TTC9B: variants seen among roughly 807,000 people sequenced by gnomAD.
TTC9B encodes the protein tetratricopeptide repeat domain 9B, also known as tetratricopeptide repeat protein 9B.
In TTC9B, 12 loss-of-function variants were observed where a neutral mutation model predicts 19.4. That is an observed-to-expected ratio of 0.62 (90% CI 0.40 to 1.00). The LOEUF is 1.00. Among genes scored for constraint, TTC9B ranks in the 50% least tolerant of loss-of-function variants. The probability of loss-of-function intolerance (pLI) is 0.00; values close to 1 mark genes in which losing one functional copy is unlikely to be tolerated. For synonymous variants in TTC9B, 156 were observed against 158.6 expected (o/e 0.98, Z 0.12); for missense variants, 316 against 345.2 (o/e 0.92, Z 0.67).
chr19:40,216,102 CG>C lies in TTC9B; in HGVS notation c.*60del. 1 of 1,330,170 alleles carries C rather than the reference CG, an allele frequency of 7.5e-7. No individual in the cohort carries two copies. The highest frequency in any genetic ancestry group is 1.1e-6 in the Non-Finnish European group (1 of 922,460). The allele number at this position is 1,330,170 out of a possible 1,614,324, so 82.4% of individuals were successfully genotyped here. A position where few individuals can be genotyped will look rare whatever the true frequency, so the allele number is the denominator to read the frequency against. ...GTGTTTTACCAACAAACACATGAGT[CG>C]GGGGAAGTTACATGGTGAGGTGGGA... is the stretch of plus-strand genomic sequence containing the variant. On this transcript the variant is annotated 3_prime_UTR_variant, in exon 3 of 3. Transcript: ENST00000311308.
chr19:40,216,685 C>T (rs2145106941), intron 2 of TTC9B: 1 of 302,198 alleles, frequency 3.3e-6, no homozygotes, highest in South Asian at 3.9e-5. Context: ...TGTCTGCCCT[C>T]CTGCACTCAT....
At position 40,218,284 on chromosome 19, in the gene TTC9B, G is replaced by C; in HGVS notation, c.98C>G (p.Pro33Arg). The C allele has an allele frequency of 1.4e-6, 2 of 1,440,344 alleles. No homozygotes were observed. The highest frequency in any genetic ancestry group is 1.8e-6 in the Non-Finnish European group (2 of 1,102,730). 89.2% of individuals were successfully genotyped at this position (1,440,344 alleles called of 1,614,324 possible). The change falls in exon 1 of 3, where the codon CCA becomes CGA. Residue 33 changes from proline (P) to arginine (R), a missense_variant. Pro to Arg is a moderately radical substitution (Grantham distance 103). Transcript: ENST00000311308. The surrounding 1 kb of genome is among the most constrained non-coding windows in gnomAD (Gnocchi z 4.2). ...PPALSPPGSG[P>R]GSGSRHGSAR... is the part of the protein sequence containing the mutation. ...CGAGCCATGGCGGGAGCCCGAGCCT[G>C]GGCCCGAGCCCGGTGGGGAGAGGGC...
chr19:40,216,746 G>T, intron 2 of TTC9B: 1 of 298,386 alleles, frequency 3.4e-6, no homozygotes, highest in South Asian at 4.6e-5. Flanking sequence ...CAATTTCCTG[G>T]CATCGTCCAC....
intron 2 of TTC9B, 34 bp from the exon 3 acceptor site, chr19:40,216,306 G>A (rs2145106412): frequency 6.4e-7 from 1 of 1,571,926 alleles, no homozygotes; most frequent in East Asian, 2.2e-5. Context: ...TCATCTGGGT[G>A]TCCCGGGGCA....
Position 40,218,087 on chromosome 19 carries a change from G to T in TTC9B, c.295C>A (p.Gln99Lys), listed in dbSNP as rs1973397189. ...GGCAGGCCGCTAGGGCGGGCCCCCT[G>T]CGCCGCCTTCAGCTGCAGCAGCGCT... Reference protein sequence around the residue: ...HRALLQLKAAQGARPSGLPAP... With the variant: ...HRALLQLKAAKGARPSGLPAP... The change falls in exon 1 of 3, where the codon CAG (glutamine) becomes AAG (lysine). Residue 99 changes from glutamine (Q) to lysine (K), a missense_variant. Gln to Lys is a moderately conservative substitution (Grantham distance 53). Coordinates refer to ENST00000311308, the MANE Select transcript of TTC9B (RefSeq NM_152479.6). This position sits in a 1 kb window ranked among gnomAD's most constrained non-coding sequence, Gnocchi z 4.2. 3.2e-6 allele frequency: 5 copies of T among 1,552,336 alleles called. No homozygotes were observed. Among genetic ancestry groups the T allele is most frequent in the Non-Finnish European group, 4.3e-6 (5 of 1,155,024 alleles).
At position 40,216,115 on chromosome 19, in the gene TTC9B, A is replaced by C; in HGVS notation, c.*48T>G. On this transcript the variant is annotated 3_prime_UTR_variant, in exon 3 of 3. Transcript: ENST00000311308. The stretch of plus-strand genomic sequence containing the variant: ...AAACACATGAGTCGGGGGAAGTTAC[A>C]TGGTGAGGTGGGAGGGCGAGGGATA... 6.9e-7 allele frequency: 1 copy of C among 1,451,588 alleles called. No individual in the cohort carries two copies. The highest frequency in any genetic ancestry group is 9.7e-7 in the Non-Finnish European group (1 of 1,032,276). The allele number at this position is 1,451,588 out of a possible 1,614,324, so 89.9% of individuals were successfully genotyped here.
At chr19:40,216,635 C>A in intron 2 of TTC9B, 1 of 328,312 alleles carries the variant, frequency 3.0e-6, no homozygotes, top group Admixed American at 4.6e-5. Context: ...TGTAATCCCT[C>A]TTCCTTCTTC....
chr19:40,218,040 G>T lies in TTC9B; in HGVS notation c.342C>A (p.Thr114=). Residue 114 remains threonine (T), a synonymous_variant, in exon 1 of 3, where the codon ACC becomes ACA. Coordinates refer to ENST00000311308, the MANE Select transcript of TTC9B (RefSeq NM_152479.6). This position sits in a 1 kb window ranked among gnomAD's most constrained non-coding sequence, Gnocchi z 4.2. Reference sequence around the variant, plus strand: ...TGAGGCGCGCCGGCCCGGGGCTGCTGGTGGGCCCGGGGGCGGGGGCGGGCA... The same window carrying T: ...TGAGGCGCGCCGGCCCGGGGCTGCTTGTGGGCCCGGGGGCGGGGGCGGGCA... ...SGLPAPAPGP[T]SSPGPARLSE... The T allele has an allele frequency of 6.7e-7, 1 of 1,490,470 alleles. No homozygotes were observed. The allele number at this position is 1,490,470 out of a possible 1,614,324, so 92.3% of individuals were successfully genotyped here.
Position 40,217,318 on chromosome 19 carries a change from C to G in TTC9B, c.479G>C (p.Cys160Ser). ...LVNYERVREY[C>S]LKVLEKQQGN... is the part of the protein sequence containing the mutation. Reference sequence around the variant, plus strand: ...CTGCTGCTTCTCCAGTACCTTGAGACAGTACTCGCGCACGCGCTCGTAGTT... The same window carrying G: ...CTGCTGCTTCTCCAGTACCTTGAGAGAGTACTCGCGCACGCGCTCGTAGTT... Residue 160 changes from cysteine to serine, a missense_variant, in exon 2 of 3, where the codon TGT becomes TCT. Coordinates refer to ENST00000311308, the MANE Select transcript of TTC9B (RefSeq NM_152479.6). The G allele has an allele frequency of 3.7e-6, 6 of 1,613,992 alleles. No homozygotes were observed. The highest frequency in any genetic ancestry group is 5.1e-6 in the Non-Finnish European group (6 of 1,179,942).
In TTC9B at chr19:40,217,463, C is replaced by T. The variant is rs372004501; in HGVS notation, c.428-94G>A. 5 of 1,476,512 alleles carry T rather than the reference C, an allele frequency of 3.4e-6. No homozygotes were observed. The African/African-American group carries it at 6.9e-5, about 20-fold the overall frequency. The allele number at this position is 1,476,512 out of a possible 1,614,324, so 91.5% of individuals were successfully genotyped here. A position where few individuals can be genotyped will look rare whatever the true frequency, so the allele number is the denominator to read the frequency against. ...AGCCGAGGCTCCAGGCGGCAGGGAACCAGGCCTAAGGGATTGCTCCGGCAA... is the reference window on the plus strand; with the variant it reads ...AGCCGAGGCTCCAGGCGGCAGGGAATCAGGCCTAAGGGATTGCTCCGGCAA... On this transcript the variant is annotated intron_variant, in intron 1 of 2. Transcript: ENST00000311308.
chr19:40,216,180 G>A lies in TTC9B; in HGVS notation c.703C>T (p.Arg235Trp). The A allele has an allele frequency of 1.9e-6, 3 of 1,614,174 alleles. No individual in the cohort carries two copies. Among genetic ancestry groups the A allele is most frequent in the Non-Finnish European group, 2.5e-6 (3 of 1,180,022 alleles). The change falls in exon 3 of 3, where the codon CGG becomes TGG. Residue 235 changes from arginine to tryptophan, a missense_variant. Coordinates refer to ENST00000311308, the MANE Select transcript of TTC9B (RefSeq NM_152479.6). ...GATTGGCCTCAGCCAATTACATCCC[G>A]AGTCTGGGACCCAGCCCCACTGTCT... ...REDSGAGSQT[R>W]DVIG
At position 40,217,987 on chromosome 19, in the gene TTC9B, C is replaced by A. The variant is rs910355232; in HGVS notation, c.395G>T (p.Ser132Ile). 9 of 1,472,680 alleles carry A rather than the reference C, an allele frequency of 6.1e-6. No homozygotes were observed. In the Admixed American group the frequency reaches 2.0e-4, roughly 33 times the overall value. The allele number at this position is 1,472,680 out of a possible 1,614,324, so 91.2% of individuals were successfully genotyped here. ...LSEEQRRLVE[S>I]TEVECYDSLT... ...GGAGTCGTAACACTCCACCTCCGTG[C>A]TCTCCACCAGGCGCCGCTGCTCCTC... Residue 132 changes from serine (S) to isoleucine (I), a missense_variant, in exon 1 of 3, where the codon AGC becomes ATC. Coordinates refer to ENST00000311308, the MANE Select transcript of TTC9B (RefSeq NM_152479.6).
At chr19:40,217,649 C>T (rs568315007) in intron 1 of TTC9B, 6 of 526,558 alleles carry the variant, frequency 1.1e-5, no homozygotes, top group Non-Finnish European at 2.0e-5. Context: ...ACCTCGAGAG[C>T]CTGGCTCAGG....
intron 1 of TTC9B, 118 bp downstream of exon 1, chr19:40,217,837 C>G: frequency 1.1e-6 from 1 of 944,280 alleles, no homozygotes; most frequent in Admixed American, 3.8e-5. Context: ...CTGAAGGCTC[C>G]CCCAGAAGCC....
In TTC9B at chr19:40,218,155, T is replaced by C; in HGVS notation, c.227A>G (p.Tyr76Cys). 1 of 1,574,548 alleles carries C rather than the reference T, an allele frequency of 6.4e-7. No individual in the cohort carries two copies. The highest frequency in any genetic ancestry group is 8.6e-7 in the Non-Finnish European group (1 of 1,164,750). The change falls in exon 1 of 3, where the codon TAT (tyrosine) becomes TGT (cysteine). Residue 76 changes from tyrosine (Y) to cysteine (C), a missense_variant. Coordinates refer to ENST00000311308, the MANE Select transcript of TTC9B (RefSeq NM_152479.6). The surrounding 1 kb of genome is among the most constrained non-coding windows in gnomAD (Gnocchi z 4.2). ...VAFKAEGQRC[Y>C]REKKFREAIG... ...GGCCTCCCGGAACTTCTTCTCTCGA[T>C]AGCAGCGCTGGCCCTCTGCCTTGAA...
rs74724311 is a variant in TTC9B, at chr19:40,217,094, A to C, written c.610+93T>G. 22 of 1,408,128 alleles carry C rather than the reference A, an allele frequency of 1.6e-5. No homozygotes were observed. In the South Asian group the frequency reaches 2.4e-4, roughly 15 times the overall value. The allele number at this position is 1,408,128 out of a possible 1,614,324, so 87.2% of individuals were successfully genotyped here. On this transcript the variant is annotated intron_variant, in intron 2 of 2. Coordinates refer to ENST00000311308, the MANE Select transcript of TTC9B (RefSeq NM_152479.6). The stretch of plus-strand genomic sequence containing the variant: ...AGCTCCGCGGGAGGAGGGCTCTGCT[A>C]TTCTGCCCTGATCTTCCTGCCTGTT...
At chr19:40,217,599 G>C (rs1257659683) in intron 1 of TTC9B, 1 of 594,408 alleles carries the variant, frequency 1.7e-6, no homozygotes, top group Non-Finnish European at 2.9e-6. Context: ...GCTGTCGGTG[G>C]GCAAGAGCAC....
rs200956054 is a variant in TTC9B, at chr19:40,217,141, C to G, written c.610+46G>C. 3.9e-4 allele frequency: 619 copies of G among 1,569,820 alleles called. 10 individuals carry two copies. The East Asian group carries it at 0.011, about 27-fold the overall frequency. ...TGTTCCCTCCGCTGCAGCCCCTTTC[C>G]CCGCCCTGGGCCCAGCCCTCACCTC... is the stretch of plus-strand genomic sequence containing the variant. On this transcript the variant is annotated intron_variant, in intron 2 of 2. Coordinates refer to ENST00000311308, the MANE Select transcript of TTC9B (RefSeq NM_152479.6).
At position 40,216,118 on chromosome 19, in the gene TTC9B, G is replaced by A; in HGVS notation, c.*45C>T. ...CACATGAGTCGGGGGAAGTTACATG[G>A]TGAGGTGGGAGGGCGAGGGATAGAG... On this transcript the variant is annotated 3_prime_UTR_variant, in exon 3 of 3. Coordinates refer to ENST00000311308, the MANE Select transcript of TTC9B (RefSeq NM_152479.6). 1 of 1,471,850 alleles carries A rather than the reference G, an allele frequency of 6.8e-7. No individual in the cohort carries two copies. The highest frequency in any genetic ancestry group is 9.5e-7 in the Non-Finnish European group (1 of 1,050,572). 91.2% of individuals were successfully genotyped at this position (1,471,850 alleles called of 1,614,324 possible).
Sources: allele counts gnomAD v4.1 joint callset, GRCh38; gene constraint gnomAD v4.1.1; non-coding constraint Gnocchi (gnomAD v3.1); transcripts MANE v1.5; gene names NCBI Gene and HGNC (gene_info 2026-07-23, HGNC 2026-07-21).